FAM135B: variants seen among roughly 807,000 people sequenced by gnomAD.
FAM135B encodes the protein protein FAM135B.
Under a neutral mutation model 127.7 loss-of-function variants are expected in FAM135B, and 43 were observed. That is an observed-to-expected ratio of 0.34 (90% CI 0.26 to 0.43). The LOEUF (loss-of-function observed/expected upper bound fraction) is 0.43, where lower values mean the gene tolerates loss of function less well. Among genes scored for constraint, FAM135B ranks in the 20% least tolerant of loss-of-function variants. FAM135B has a pLI of 1.00. For missense variants in FAM135B, 1,558 were observed against 1,725.6 expected (o/e 0.90, Z 1.72); for synonymous variants, 670 against 665.1 (o/e 1.01, Z -0.11).
chr8:138,313,324 G>A (rs961405412), intron 2 of FAM135B, among the ~76,000 whole-genome samples: 7 of 152,142 alleles, frequency 4.6e-5, no homozygotes, highest in South Asian at 2.1e-4. Flanking sequence ...TAGCAACTGC[G>A]TTTCACCATG....
intron 1 of FAM135B, among the ~76,000 whole-genome samples, chr8:138,424,829 T>A (rs1563991150): frequency 6.6e-6 from 1 of 152,188 alleles, no homozygotes; most frequent in Non-Finnish European, 1.5e-5. Context: ...CTTTCAGGAT[T>A]CCATTTTGTC....
At chr8:138,297,078 C>T (rs547400362) in intron 3 of FAM135B, among the ~76,000 whole-genome samples, 1 of 152,228 alleles carries the variant, frequency 6.6e-6, no homozygotes, top group South Asian at 2.1e-4. Context: ...CCCTCATGTA[C>T]AGGTGCTATG....
intron 1 of FAM135B, among the ~76,000 whole-genome samples, chr8:138,467,632 A>G (rs1017021617): frequency 6.6e-6 from 1 of 152,218 alleles, no homozygotes; most frequent in Non-Finnish European, 1.5e-5. Flanking sequence ...GACAACTCCA[A>G]CATGTGGAAA....
chr8:138,345,619 T>A (rs1829358481), intron 2 of FAM135B, among the ~76,000 whole-genome samples: 1 of 152,170 alleles, frequency 6.6e-6, no homozygotes, highest in Admixed American at 6.5e-5. Context: ...TGATATTAAC[T>A]CAGTCTCCTG....
chr8:138,489,728 CT>C (rs142391171), intron 1 of FAM135B, among the ~76,000 whole-genome samples: 2,641 of 152,274 alleles, frequency 0.017, 84 homozygotes, highest in African/African-American at 0.06. Flanking sequence ...CACCCACACT[CT>C]CTCTGAGCCC....
chr8:138,385,170 G>C (rs576677378), intron 1 of FAM135B, among the ~76,000 whole-genome samples: 1 of 152,108 alleles, frequency 6.6e-6, no homozygotes, highest in Non-Finnish European at 1.5e-5. Flanking sequence ...ACTGCTCAGA[G>C]CTGCTCCTCA....
chr8:138,271,298 A>G (rs887128295), intron 3 of FAM135B, among the ~76,000 whole-genome samples: 2 of 152,226 alleles, frequency 1.3e-5, no homozygotes, highest in East Asian at 3.9e-4. Context: ...AATATAAAAC[A>G]TTTTTCTTGT....
intron 19 of FAM135B, among the ~76,000 whole-genome samples, chr8:138,136,505 A>C (rs1042128314): frequency 3.3e-5 from 5 of 152,198 alleles, no homozygotes; most frequent in African/African-American, 1.2e-4. Context: ...ATCAGAGTGA[A>C]ACGTATGCAG....
At chr8:138,280,965 A>C (rs1303111887) in intron 3 of FAM135B, among the ~76,000 whole-genome samples, 1 of 152,138 alleles carries the variant, frequency 6.6e-6, no homozygotes, top group Admixed American at 6.5e-5. Context: ...TAATGAGGCT[A>C]CAGCTCCTCC....
At chr8:138,447,813 A>T (rs1221958792) in intron 1 of FAM135B, among the ~76,000 whole-genome samples, 1 of 151,512 alleles carries the variant, frequency 6.6e-6, no homozygotes, top group Non-Finnish European at 1.5e-5. Context: ...ATAATAATAA[A>T]AAAAAAAAGA....
intron 4 of FAM135B, among the ~76,000 whole-genome samples, chr8:138,262,195 G>T (rs1822585839): frequency 6.6e-6 from 1 of 152,192 alleles, no homozygotes; most frequent in Non-Finnish European, 1.5e-5. Flanking sequence ...GTTGAGGGTT[G>T]GGAAGGTCAA....
intron 3 of FAM135B, among the ~76,000 whole-genome samples, chr8:138,302,688 G>A (rs979745950): frequency 6.6e-6 from 1 of 152,188 alleles, no homozygotes; most frequent in Non-Finnish European, 1.5e-5. Flanking sequence ...GCCCTCCTGA[G>A]CCCTGAGTCC....
At chr8:138,195,435 C>A in intron 8 of FAM135B, 128 bp from the exon 9 acceptor site, 1 of 822,632 alleles carries the variant, frequency 1.2e-6, no homozygotes, top group South Asian at 1.6e-5. Flanking sequence ...TTGCTGAGGA[C>A]CTTCTACCTA....
At chr8:138,385,147 G>C (rs1832113739) in intron 1 of FAM135B, among the ~76,000 whole-genome samples, 1 of 152,038 alleles carries the variant, frequency 6.6e-6, no homozygotes, top group Non-Finnish European at 1.5e-5. Flanking sequence ...TGCCTCAAAG[G>C]GCCTTTCTGA....
rs192145531 is a variant in FAM135B at position 138,253,874 on chromosome 8, C to T, written c.368+2815G>A. 3.3e-5 allele frequency among the ~76,000 whole-genome samples: 5 copies of T among 152,310 alleles called. No homozygotes were observed. In the East Asian group the frequency reaches 9.7e-4, roughly 29 times the overall value. ...TCCACCCCAGGATATGCCACAGATG[C>T]CTTGTCATCCTTAAACTCAATTTAT... On this transcript the variant is annotated intron_variant, in intron 5 of 19. Transcript: ENST00000395297.
intron 7 of FAM135B, among the ~76,000 whole-genome samples, chr8:138,235,089 A>C (rs954531806): frequency 2.0e-5 from 3 of 152,188 alleles, no homozygotes; most frequent in Non-Finnish European, 4.4e-5. Flanking sequence ...GGTCCTTAAA[A>C]AGTACTGTAG....
In FAM135B at chr8:138,152,531, C is replaced by G. The variant is rs752047390; in HGVS notation, c.1944G>C (p.Leu648=). ...SEPCDPLSST[L]REPLDIRSSL... is the part of the protein sequence containing the mutation. ...AAGACCTAATATCTAAGGGCTCCCT[C>G]AGGGTAGAACTTAGTGGATCACAGG... is the stretch of plus-strand genomic sequence containing the variant. Residue 648 remains leucine, a synonymous_variant, in exon 13 of 20, where the codon CTG becomes CTC. Transcript: ENST00000395297. 1 of 1,614,184 alleles carries G rather than the reference C, an allele frequency of 6.2e-7. No individual in the cohort carries two copies. Among genetic ancestry groups the G allele is most frequent in the Non-Finnish European group, 8.5e-7 (1 of 1,180,028 alleles).
chr8:138,279,077 C>T (rs1031591716), intron 3 of FAM135B, among the ~76,000 whole-genome samples: 13 of 152,122 alleles, frequency 8.5e-5, no homozygotes, highest in Non-Finnish European at 1.8e-4. Context: ...ATGACCAATC[C>T]GTAAATCTTT....
chr8:138,352,104 G>C (rs570517637), intron 2 of FAM135B, among the ~76,000 whole-genome samples: 2 of 152,272 alleles, frequency 1.3e-5, no homozygotes, highest in South Asian at 4.1e-4. Flanking sequence ...CCACATGAAG[G>C]CTGACTGATT....
Sources: allele counts gnomAD v4.1 joint callset (sites outside exome capture counted in the v4.1 genomes callset), GRCh38; gene constraint gnomAD v4.1.1; transcripts MANE v1.5; gene names NCBI Gene and HGNC (gene_info 2026-07-23, HGNC 2026-07-21).